Variants in MALRD1 observed in about 807,000 individuals in gnomAD.
MALRD1 encodes MAM and LDL-receptor class A domain-containing protein 1.
In MALRD1, 247 loss-of-function variants were observed where a neutral mutation model predicts 242.1. The ratio of observed to expected loss-of-function variants is 1.02; its 90% CI spans 0.92 to 1.13. The LOEUF (loss-of-function observed/expected upper bound fraction) is 1.13, where lower values mean the gene tolerates loss of function less well. Ranked by LOEUF, MALRD1 falls within the 50% of genes most tolerant of loss-of-function variation. The pLI, the probability that MALRD1 is intolerant of heterozygous loss-of-function variation, is 0.00. For missense variants in MALRD1, 2,989 were observed against 2,533.1 expected (o/e 1.18, Z -3.86); for synonymous variants, 995 against 866.6 (o/e 1.15, Z -2.60).
chr10:19,220,463 C>A (rs1415162374), intron 18 of MALRD1, among the ~76,000 whole-genome samples: 1 of 152,256 alleles, frequency 6.6e-6, no homozygotes. Flanking sequence ...CTTACATGAA[C>A]GTCCAGGTAT....
intron 14 of MALRD1, among the ~76,000 whole-genome samples, chr10:19,187,613 A>G (rs2131577112): frequency 6.6e-6 from 1 of 152,258 alleles, no homozygotes; most frequent in South Asian, 2.1e-4. Context: ...CACCTAGAGC[A>G]ATGGTTCCCA....
chr10:19,223,528 A>C (rs892562553), intron 18 of MALRD1, among the ~76,000 whole-genome samples: 2 of 152,002 alleles, frequency 1.3e-5, no homozygotes, highest in Non-Finnish European at 2.9e-5. Context: ...TTACATTTAC[A>C]TTTACATTTG....
chr10:19,118,628 T>C (rs1465638231), intron 5 of MALRD1, among the ~76,000 whole-genome samples: 1 of 152,170 alleles, frequency 6.6e-6, no homozygotes. Context: ...TAGATGTTTC[T>C]TATCATACTT....
intron 36 of MALRD1, among the ~76,000 whole-genome samples, chr10:19,669,663 A>C (rs1450272708): frequency 2.0e-5 from 3 of 152,214 alleles, no homozygotes; most frequent in Non-Finnish European, 4.4e-5. Context: ...GCAAATGAAA[A>C]TAAATTAGAT....
intron 28 of MALRD1, among the ~76,000 whole-genome samples, chr10:19,443,230 C>G (rs1475095745): frequency 6.6e-6 from 1 of 152,024 alleles, no homozygotes; most frequent in Non-Finnish European, 1.5e-5. Flanking sequence ...ATTAGTCTTG[C>G]TAGTGGTCTA....
At chr10:19,297,099 A>G (rs1841741110) in intron 21 of MALRD1, among the ~76,000 whole-genome samples, 2 of 150,152 alleles carry the variant, frequency 1.3e-5, no homozygotes, top group Non-Finnish European at 3.0e-5. Flanking sequence ...ATATATAAAT[A>G]TATATATATT....
intron 33 of MALRD1, among the ~76,000 whole-genome samples, chr10:19,586,497 A>T (rs1290948622): frequency 6.6e-6 from 1 of 152,092 alleles, no homozygotes; most frequent in South Asian, 2.1e-4. Flanking sequence ...GTGAGGTGTC[A>T]ATCTGCCCTT....
intron 29 of MALRD1, among the ~76,000 whole-genome samples, chr10:19,487,101 T>C (rs962644818): frequency 3.9e-5 from 6 of 152,272 alleles, no homozygotes; most frequent in African/African-American, 1.4e-4. Context: ...TGCCATAATC[T>C]GCTGGCCAGG....
At chr10:19,716,801 A>C (rs553359023) in intron 38 of MALRD1, 1 of 152,292 alleles carries the variant, frequency 6.6e-6, no homozygotes, top group East Asian at 1.9e-4. Flanking sequence ...TCACTTACCT[A>C]TGTGTGATTT....
chr10:19,690,563 T>C (rs181200017), intron 36 of MALRD1, among the ~76,000 whole-genome samples: 13 of 152,094 alleles, frequency 8.5e-5, no homozygotes, highest in Admixed American at 8.5e-4. Flanking sequence ...TAGGCAAACT[T>C]CTGTCAATAA....
In MALRD1 at chr10:19,105,907, C is replaced by A. The variant is rs1463072810; in HGVS notation, c.694+1832C>A. 2.6e-5 allele frequency among the ~76,000 whole-genome samples: 4 copies of A among 151,776 alleles called. No homozygotes were observed. In the East Asian group the frequency reaches 7.7e-4, roughly 29 times the overall value. ...AGTTGTTTTGAGTTTCTTATATATT[C>A]TGAGAATTGACCCCTTATTAGATGC... is the stretch of plus-strand genomic sequence containing the variant. On this transcript the variant is annotated intron_variant, in intron 5 of 39. Transcript: ENST00000454679.
chr10:19,236,734 A>G (rs1477729805), intron 18 of MALRD1, among the ~76,000 whole-genome samples: 4 of 152,174 alleles, frequency 2.6e-5, no homozygotes, highest in Non-Finnish European at 5.9e-5. Flanking sequence ...AATACTTTAA[A>G]ATTTTATTTC....
At chr10:19,181,868 A>G (rs1322191862) in intron 14 of MALRD1, among the ~76,000 whole-genome samples, 1 of 152,210 alleles carries the variant, frequency 6.6e-6, no homozygotes, top group Non-Finnish European at 1.5e-5. Flanking sequence ...TTGTTTTAAA[A>G]ATTAAGAAAA....
At position 19,280,139 on chromosome 10, in the gene MALRD1, AG is replaced by A; in HGVS notation, c.3174del (p.Arg1058SerfsTer126). The part of the protein sequence containing the change: ...HNCTDNEFIC[R>X]SDGHCIEKMQ... ...CTGCACAGACAATGAATTTATCTGC[AG>A]GTCTGATGGTCACTGCATTGAAAAA... On this transcript the variant is annotated frameshift_variant, in exon 20 of 40. Transcript: ENST00000454679. LOFTEE classifies it high-confidence loss of function. 1 of 1,545,908 alleles carries A rather than the reference AG, an allele frequency of 6.5e-7. No homozygotes were observed. The highest frequency in any genetic ancestry group is 1.7e-4 in the Middle Eastern group (1 of 5,974).
intron 29 of MALRD1, among the ~76,000 whole-genome samples, chr10:19,466,527 T>A (rs988646002): frequency 6.6e-6 from 1 of 152,334 alleles, no homozygotes; most frequent in Non-Finnish European, 1.5e-5. Flanking sequence ...TTCTCACAGT[T>A]CTGGAGGCTG....
chr10:19,678,328 G>T (rs1479613622), intron 36 of MALRD1, among the ~76,000 whole-genome samples: 1 of 152,046 alleles, frequency 6.6e-6, no homozygotes, highest in African/African-American at 2.4e-5. Context: ...ATTTGTTTGT[G>T]TCCTCTCTGC....
chr10:19,198,895 AC>A (rs1836384660), intron 14 of MALRD1, among the ~76,000 whole-genome samples: 1 of 152,206 alleles, frequency 6.6e-6, no homozygotes, highest in South Asian at 2.1e-4. Context: ...ATGACTATTA[AC>A]TATTGATGAA....
chr10:19,348,809 A>G (rs1279886730), intron 25 of MALRD1, among the ~76,000 whole-genome samples: 1 of 152,230 alleles, frequency 6.6e-6, no homozygotes, highest in Non-Finnish European at 1.5e-5. Context: ...ACAAGCACTC[A>G]GAGATCTCTT....
At chr10:19,604,960 T>G (rs993413148) in intron 34 of MALRD1, among the ~76,000 whole-genome samples, 20 of 152,214 alleles carry the variant, frequency 1.3e-4, no homozygotes, top group Admixed American at 3.9e-4. Context: ...AAACATTATC[T>G]TTAAGATTTT....
Sources: gnomAD v4.1 joint callset for allele counts (sites outside exome capture counted in the v4.1 genomes callset) on GRCh38, gnomAD v4.1.1 for gene constraint, MANE v1.5 for transcripts, NCBI Gene and HGNC (gene_info 2026-07-23, HGNC 2026-07-21) for gene names.